HDAC11: variants seen among roughly 807,000 people sequenced by gnomAD.
HDAC11 encodes histone deacetylase 11.
HDAC11 carries 23 observed loss-of-function variants against 41.1 expected under a neutral mutation model. The ratio of observed to expected loss-of-function variants is 0.56; its 90% CI spans 0.40 to 0.79. The LOEUF (loss-of-function observed/expected upper bound fraction) is 0.79, where lower values mean the gene tolerates loss of function less well. Ranked by LOEUF, HDAC11 falls within the 30% of genes least tolerant of loss-of-function variation. The pLI is 0.00. For missense variants in HDAC11, 402 were observed against 477.3 expected (o/e 0.84, Z 1.47); for synonymous variants, 187 against 186.6 (o/e 1.00, Z -0.02).
chr3:13,481,369 G>A lies in HDAC11; in HGVS notation c.126G>A (p.Trp42Ter), dbSNP rs1332212257. 9 of 1,614,078 alleles carry A rather than the reference G, an allele frequency of 5.6e-6. No individual in the cohort carries two copies. The highest frequency in any genetic ancestry group is 7.6e-6 in the Non-Finnish European group (9 of 1,180,006). ...TGCATCCCTTTGATGCCGGAAAATG[G>A]GGCAAAGTGATCAATTTCCTAAAAG... The part of the protein sequence containing the change: ...EKLHPFDAGK[W>*]GKVINFLKEE... The change falls in exon 2 of 10, where the codon TGG becomes TGA. Residue 42 changes from tryptophan to a stop codon, truncating the protein, a stop_gained. Transcript: ENST00000295757. LOFTEE classifies it high-confidence loss of function.
rs749969777 is a variant in HDAC11 at position 13,502,879 on chromosome 3, C to T, written c.553-5C>T. ...CCGAGAGCGGCTACTGTGACCTCCC[C>T]ACAGGGCAATGGGCATGAGCGAGAC... On this transcript the variant is annotated splice_region_variant and splice_polypyrimidine_tract_variant and intron_variant, in intron 7 of 9. Coordinates refer to ENST00000295757, the MANE Select transcript of HDAC11 (RefSeq NM_024827.4). This position sits in a 1 kb window ranked among gnomAD's most constrained non-coding sequence, Gnocchi z 4.1. 4 of 1,612,830 alleles carry T rather than the reference C, an allele frequency of 2.5e-6. No homozygotes were observed. Among genetic ancestry groups the T allele is most frequent in the Admixed American group, 1.7e-5 (1 of 59,996 alleles).
chr3:13,504,545 C>T lies in HDAC11; in HGVS notation c.906C>T (p.Gly302=), dbSNP rs200691790. 4 of 1,613,418 alleles carry T rather than the reference C, an allele frequency of 2.5e-6. No individual in the cohort carries two copies. Among genetic ancestry groups the T allele is most frequent in the African/African-American group, 2.7e-5 (2 of 74,918 alleles). Residue 302 remains glycine, a synonymous_variant, in exon 10 of 10, where the codon GGC becomes GGT. Coordinates refer to ENST00000295757, the MANE Select transcript of HDAC11 (RefSeq NM_024827.4). The stretch of plus-strand genomic sequence containing the variant: ...TGCCCATCCTTATGGTGACCTCAGG[C>T]GGGTACCAGAAGCGCACAGCCCGCA... The part of the protein sequence containing the change: ...RRVPILMVTS[G]GYQKRTARII...
intron 5 of HDAC11, 128 bp downstream of exon 5, chr3:13,498,683 A>G (rs1453432445): frequency 1.9e-6 from 2 of 1,030,928 alleles, no homozygotes; most frequent in Non-Finnish European, 2.9e-6. Flanking sequence ...GGTTTTCCCA[A>G]GTCACCCTAG....
At chr3:13,494,112 C>T (rs1233352904) in intron 3 of HDAC11, among the ~76,000 whole-genome samples, 2 of 152,256 alleles carry the variant, frequency 1.3e-5, no homozygotes, top group African/African-American at 4.8e-5. Flanking sequence ...CGGTGGAAGC[C>T]TCCTTGAGGA....
Position 13,480,986 on chromosome 3 carries a change from C to A in HDAC11, c.3-260C>A. ...CTTCTCCACAGACCTGCACTGTGAC[C>A]TTGGGCACACCTGGTCTGCTCTCTG... On this transcript the variant is annotated intron_variant, in intron 1 of 9. Transcript: ENST00000295757. This position sits in a 1 kb window ranked among gnomAD's most constrained non-coding sequence, Gnocchi z 4.6. 1.9e-6 allele frequency: 1 copy of A among 529,732 alleles called. No homozygotes were observed. The highest frequency in any genetic ancestry group is 3.4e-5 in the East Asian group (1 of 29,812). The allele number at this position is 529,732 out of a possible 1,614,324, so 32.8% of individuals were successfully genotyped here. A position where few individuals can be genotyped will look rare whatever the true frequency, so the allele number is the denominator to read the frequency against.
At chr3:13,487,263 T>C (rs1038813485) in intron 3 of HDAC11, among the ~76,000 whole-genome samples, 1 of 152,190 alleles carries the variant, frequency 6.6e-6, no homozygotes, top group South Asian at 2.1e-4. Context: ...TTCTCCTTCC[T>C]CTGCTGTGGG....
chr3:13,481,630 C>T (rs542556443), intron 2 of HDAC11, among the ~76,000 whole-genome samples: 1 of 152,302 alleles, frequency 6.6e-6, no homozygotes, highest in Non-Finnish European at 1.5e-5. Flanking sequence ...AGTCCTGCCT[C>T]TGCCCAAGAG....
At chr3:13,496,610 T>C (rs1344735225) in intron 3 of HDAC11, 126 bp from the exon 4 acceptor site, 10 of 638,208 alleles carry the variant, frequency 1.6e-5, no homozygotes, top group Non-Finnish European at 2.5e-5. Flanking sequence ...GGAAGTGTGC[T>C]TGACCAGGGA....
rs1348552614 is a variant in HDAC11, at chr3:13,505,773, A to G, written c.*1090A>G. 6.6e-6 allele frequency: 1 copy of G among 152,190 alleles called. No individual in the cohort carries two copies. The highest frequency in any genetic ancestry group is 1.5e-5 in the Non-Finnish European group (1 of 68,100). 9.4% of individuals were successfully genotyped at this position (152,190 alleles called of 1,614,324 possible). ...GCCTCACCAAAGTGCCTGGGCCCCA[A>G]TCCTTCTCCATGCCCAGGGGCCCCA... On this transcript the variant is annotated 3_prime_UTR_variant, in exon 10 of 10. Coordinates refer to ENST00000295757, the MANE Select transcript of HDAC11 (RefSeq NM_024827.4).
At chr3:13,483,092 C>CG (rs1232151739) in intron 2 of HDAC11, among the ~76,000 whole-genome samples, 1 of 146,710 alleles carries the variant, frequency 6.8e-6, no homozygotes, top group East Asian at 2.0e-4. Flanking sequence ...AAAAAAAGGG[C>CG]GGGGGGAAGG....
chr3:13,504,551 C>T lies in HDAC11; in HGVS notation c.912C>T (p.Tyr304=), dbSNP rs747656389. 2.5e-6 allele frequency: 4 copies of T among 1,613,438 alleles called. No individual in the cohort carries two copies. The highest frequency in any genetic ancestry group is 3.3e-5 in the Admixed American group (2 of 59,998). ...TCCTTATGGTGACCTCAGGCGGGTA[C>T]CAGAAGCGCACAGCCCGCATCATTG... The part of the protein sequence containing the change: ...VPILMVTSGG[Y]QKRTARIIAD... The change falls in exon 10 of 10, where the codon TAC becomes TAT. Residue 304 remains tyrosine, a synonymous_variant. Coordinates refer to ENST00000295757, the MANE Select transcript of HDAC11 (RefSeq NM_024827.4).
At chr3:13,501,532 G>A (rs1405185719) in intron 6 of HDAC11, 2 of 509,848 alleles carry the variant, frequency 3.9e-6, no homozygotes, top group Non-Finnish European at 3.9e-6. Context: ...TCCCAGGGCT[G>A]TGGGGATTCT....
chr3:13,483,737 A>G (rs1021167216), intron 3 of HDAC11, among the ~76,000 whole-genome samples, 173 bp downstream of exon 3: 2 of 151,940 alleles, frequency 1.3e-5, no homozygotes, highest in African/African-American at 4.8e-5. Context: ...AGAAGGAGAG[A>G]GGTCATAAAA....
At position 13,496,858 on chromosome 3, in the gene HDAC11, T is replaced by TG. The variant is rs780669066; in HGVS notation, c.369+10dup. On this transcript the variant is annotated splice_region_variant and intron_variant, in intron 4 of 9. Coordinates refer to ENST00000295757, the MANE Select transcript of HDAC11 (RefSeq NM_024827.4). Reference sequence around the variant, plus strand: ...AGACAGGAGGAACCATAATGGTAGGTGGGGTGGGGGGGCATGGCTGGGCTG... The same window carrying TG: ...AGACAGGAGGAACCATAATGGTAGGTGGGGGTGGGGGGGCATGGCTGGGCTG... 7.8e-5 allele frequency: 94 copies of TG among 1,203,080 alleles called. No homozygotes were observed. The highest frequency in any genetic ancestry group is 1.2e-4 in the Admixed American group (6 of 50,314). The allele number at this position is 1,203,080 out of a possible 1,614,324, so 74.5% of individuals were successfully genotyped here.
Position 13,480,400 on chromosome 3 carries a change from G to A in HDAC11, c.2+51G>A. The A allele has an allele frequency of 8.8e-7, 1 of 1,136,944 alleles. No individual in the cohort carries two copies. Among genetic ancestry groups the A allele is most frequent in the Non-Finnish European group, 1.1e-6 (1 of 909,762 alleles). 70.4% of individuals were successfully genotyped at this position (1,136,944 alleles called of 1,614,324 possible). On this transcript the variant is annotated intron_variant, in intron 1 of 9. Coordinates refer to ENST00000295757, the MANE Select transcript of HDAC11 (RefSeq NM_024827.4). This position sits in a 1 kb window ranked among gnomAD's most constrained non-coding sequence, Gnocchi z 4.6. ...GGTGGGCTCCCAGGGGTCCCGGTGG[G>A]CGGGCGCGCTAGGGCGAGGGCGGGG...
At chr3:13,500,668 C>A in intron 5 of HDAC11, 45 bp from the exon 6 acceptor site, 1 of 1,496,654 alleles carries the variant, frequency 6.7e-7, no homozygotes, top group Non-Finnish European at 9.1e-7. Flanking sequence ...TGGACTGAGC[C>A]TGGGAGCCTG....
rs1702553380 is a variant in HDAC11 at position 13,504,992 on chromosome 3, C to T, written c.*309C>T. On this transcript the variant is annotated 3_prime_UTR_variant, in exon 10 of 10. Coordinates refer to ENST00000295757, the MANE Select transcript of HDAC11 (RefSeq NM_024827.4). ...TGGAGAGGACAGGCTAGGTCCCAGGCACAGCGAGGGCCCTGGGCTTGGGGT... is the reference window on the plus strand; with the variant it reads ...TGGAGAGGACAGGCTAGGTCCCAGGTACAGCGAGGGCCCTGGGCTTGGGGT... The T allele has an allele frequency of 2.3e-6, 1 of 443,018 alleles. No individual in the cohort carries two copies. The highest frequency in any genetic ancestry group is 2.7e-5 in the South Asian group (1 of 37,486). 27.4% of individuals were successfully genotyped at this position (443,018 alleles called of 1,614,324 possible).
intron 3 of HDAC11, among the ~76,000 whole-genome samples, chr3:13,494,317 G>T (rs910548962): frequency 6.6e-6 from 1 of 152,236 alleles, no homozygotes; most frequent in African/African-American, 2.4e-5. Context: ...GGAAAACCAT[G>T]GTTCCATGCC....
chr3:13,494,460 A>G (rs1702000806), intron 3 of HDAC11, among the ~76,000 whole-genome samples: 1 of 152,206 alleles, frequency 6.6e-6, no homozygotes, highest in African/African-American at 2.4e-5. Flanking sequence ...GCACACGGAC[A>G]TACCTGTGCA....
Sources: allele counts gnomAD v4.1 joint callset (sites outside exome capture counted in the v4.1 genomes callset), GRCh38; gene constraint gnomAD v4.1.1; non-coding constraint Gnocchi (gnomAD v3.1); transcripts MANE v1.5; gene names NCBI Gene and HGNC (gene_info 2026-07-23, HGNC 2026-07-21).